Variants in NKAIN2 observed in about 807,000 individuals in gnomAD.
NKAIN2 encodes sodium/potassium transporting ATPase interacting 2.
NKAIN2 carries 14 observed loss-of-function variants against 32.6 expected under a neutral mutation model. The ratio of observed to expected loss-of-function variants is 0.43; its 90% CI spans 0.28 to 0.67. The LOEUF is 0.67. Ranked by LOEUF, NKAIN2 falls within the 30% of genes least tolerant of loss-of-function variation. The pLI is 0.17. For synonymous variants in NKAIN2, 80 were observed against 87.2 expected (o/e 0.92, Z 0.46); for missense variants, 198 against 258.3 (o/e 0.77, Z 1.60).
intron 2 of NKAIN2, among the ~76,000 whole-genome samples, chr6:124,355,019 G>A (rs540587008): frequency 1.3e-5 from 2 of 148,956 alleles, no homozygotes; most frequent in East Asian, 2.0e-4. Context: ...ACAGTGAGCC[G>A]AGATCATGCC....
At chr6:124,562,967 C>T (rs1372280530) in intron 3 of NKAIN2, among the ~76,000 whole-genome samples, 4 of 149,648 alleles carry the variant, frequency 2.7e-5, no homozygotes, top group African/African-American at 5.0e-5. Context: ...TGCAATGGCG[C>T]GATCTCAGCT....
chr6:124,436,492 C>T (rs1775450120), intron 3 of NKAIN2, among the ~76,000 whole-genome samples: 1 of 152,100 alleles, frequency 6.6e-6, no homozygotes, highest in Admixed American at 6.6e-5. Context: ...AAAAGAATTT[C>T]AAGTTTGTGT....
rs1046786692 is a variant in NKAIN2 at position 123,990,194 on chromosome 6, C to T, written c.54+185940C>T. Among the ~76,000 whole-genome samples the T allele has an allele frequency of 3.3e-5, 5 of 152,154 alleles. 1 individual carries two copies. The East Asian group carries it at 9.7e-4, about 29-fold the overall frequency. On this transcript the variant is annotated intron_variant, in intron 1 of 6. Coordinates refer to ENST00000368417, the MANE Select transcript of NKAIN2 (RefSeq NM_001040214.3). ...GAAACCACCCCCGTGATCCAGTTAC[C>T]TCTACCTGGTCCCACCCTCGACACG...
intron 3 of NKAIN2, among the ~76,000 whole-genome samples, chr6:124,503,011 T>C (rs1400873474): frequency 6.6e-6 from 1 of 152,202 alleles, no homozygotes; most frequent in Non-Finnish European, 1.5e-5. Context: ...ATCATTTAAA[T>C]GGCATTGCAT....
At chr6:124,792,585 A>G (rs1206980780) in intron 5 of NKAIN2, among the ~76,000 whole-genome samples, 1 of 152,188 alleles carries the variant, frequency 6.6e-6, no homozygotes, top group African/African-American at 2.4e-5. Flanking sequence ...TAAAACAAAC[A>G]TATGAGCAAA....
At chr6:124,753,607 G>T (rs1777827330) in intron 4 of NKAIN2, among the ~76,000 whole-genome samples, 1 of 152,044 alleles carries the variant, frequency 6.6e-6, no homozygotes, top group African/African-American at 2.4e-5. Flanking sequence ...CAGATTGGCA[G>T]TTGCTCAAAG....
At chr6:124,495,347 C>T (rs1281620506) in intron 3 of NKAIN2, among the ~76,000 whole-genome samples, 1 of 152,050 alleles carries the variant, frequency 6.6e-6, no homozygotes, top group Non-Finnish European at 1.5e-5. Context: ...TTTTTCTAAT[C>T]ACAGTGAGGT....
chr6:124,225,635 T>G (rs1365852649), intron 1 of NKAIN2, among the ~76,000 whole-genome samples: 1 of 151,860 alleles, frequency 6.6e-6, no homozygotes, highest in Non-Finnish European at 1.5e-5. Context: ...CAAAATAAAA[T>G]TAAATATGGA....
intron 1 of NKAIN2, among the ~76,000 whole-genome samples, chr6:124,187,632 C>G (rs1789810687): frequency 6.6e-6 from 1 of 152,112 alleles, no homozygotes; most frequent in Non-Finnish European, 1.5e-5. Flanking sequence ...GATAAACATG[C>G]TTATTTTCAT....
chr6:124,394,952 A>G (rs1583180682), intron 3 of NKAIN2, among the ~76,000 whole-genome samples: 1 of 152,020 alleles, frequency 6.6e-6, no homozygotes, highest in Non-Finnish European at 1.5e-5. Context: ...CGGTGAAGGC[A>G]TGGGGAAAAA....
intron 1 of NKAIN2, among the ~76,000 whole-genome samples, chr6:124,094,603 C>T (rs939956071): frequency 6.6e-6 from 1 of 152,098 alleles, no homozygotes; most frequent in African/African-American, 2.4e-5. Context: ...GTCAGGAACA[C>T]CTAGAGCTTG....
chr6:124,176,503 T>A (rs1241901506), intron 1 of NKAIN2, among the ~76,000 whole-genome samples: 1 of 152,142 alleles, frequency 6.6e-6, no homozygotes, highest in Non-Finnish European at 1.5e-5. Context: ...AAACTTCCAG[T>A]ACGATGTTGA....
chr6:124,278,652 TATATA>T (rs536633573), intron 1 of NKAIN2, among the ~76,000 whole-genome samples: 67 of 48,820 alleles, frequency 1.4e-3, no homozygotes, highest in African/African-American at 7.3e-3. Context: ...ACATAGCTCA[TATATA>T]TATATATATA....
chr6:124,147,959 A>G lies in NKAIN2; in HGVS notation c.55-135046A>G, dbSNP rs574123169. On this transcript the variant is annotated intron_variant, in intron 1 of 6. Transcript: ENST00000368417. Reference sequence around the variant, plus strand: ...AAACGCGTAGTCCTCATCCCTGGTCATGGCTTTTCTTCTCTCTTTAGTTTC... The same window carrying G: ...AAACGCGTAGTCCTCATCCCTGGTCGTGGCTTTTCTTCTCTCTTTAGTTTC... Among the ~76,000 whole-genome samples, 19 of 152,282 alleles carry G rather than the reference A, an allele frequency of 1.2e-4. No homozygotes were observed. The East Asian group carries it at 3.3e-3, about 26-fold the overall frequency.
At chr6:124,326,117 T>G (rs1797399512) in intron 2 of NKAIN2, among the ~76,000 whole-genome samples, 1 of 151,650 alleles carries the variant, frequency 6.6e-6, no homozygotes, top group African/African-American at 2.4e-5. Flanking sequence ...TATTTTTGTT[T>G]GTTTATATAA....
chr6:124,345,814 T>A (rs1583089199), intron 2 of NKAIN2, among the ~76,000 whole-genome samples: 1 of 152,110 alleles, frequency 6.6e-6, no homozygotes, highest in South Asian at 2.1e-4. Context: ...TTTTGAAGGG[T>A]TTTTTATGTC....
intron 1 of NKAIN2, among the ~76,000 whole-genome samples, chr6:124,196,636 A>G (rs1225833777): frequency 2.0e-5 from 3 of 151,982 alleles, no homozygotes; most frequent in Non-Finnish European, 2.9e-5. Flanking sequence ...TACACATTCA[A>G]TTTTTCATAA....
In NKAIN2 at chr6:124,591,450, T is replaced by G. The variant is rs182559461; in HGVS notation, c.274-66736T>G. Among the ~76,000 whole-genome samples, 776 of 152,128 alleles carry G rather than the reference T, an allele frequency of 5.1e-3. 5 individuals are homozygous for G. The highest frequency in any genetic ancestry group is 0.017 in the African/African-American group (687 of 41,488). ...AGAGCCAAGCCTTCAAACCAGTATGTTCTTTTGGGGATATTTCAAAGCCTA... is the reference window on the plus strand; with the variant it reads ...AGAGCCAAGCCTTCAAACCAGTATGGTCTTTTGGGGATATTTCAAAGCCTA... On this transcript the variant is annotated intron_variant, in intron 3 of 6. Coordinates refer to ENST00000368417, the MANE Select transcript of NKAIN2 (RefSeq NM_001040214.3).
At chr6:124,179,086 C>A (rs902704532) in intron 1 of NKAIN2, among the ~76,000 whole-genome samples, 1 of 152,100 alleles carries the variant, frequency 6.6e-6, no homozygotes, top group Non-Finnish European at 1.5e-5. Context: ...TGTTAGCTTG[C>A]AAATATAAAG....
Sources: allele counts gnomAD v4.1 joint callset (sites outside exome capture counted in the v4.1 genomes callset), GRCh38; gene constraint gnomAD v4.1.1; transcripts MANE v1.5; gene names NCBI Gene and HGNC (gene_info 2026-07-23, HGNC 2026-07-21).